GPHN: variants seen among roughly 807,000 people sequenced by gnomAD.
GPHN encodes gephyrin.
In GPHN, 17 loss-of-function variants were observed where a neutral mutation model predicts 95.5. The ratio of observed to expected loss-of-function variants is 0.18; its 90% CI spans 0.12 to 0.27. The LOEUF (loss-of-function observed/expected upper bound fraction) is 0.27, where lower values mean the gene tolerates loss of function less well. Among genes scored for constraint, GPHN ranks in the 10% least tolerant of loss-of-function variants. The pLI is 1.00. For synonymous variants in GPHN, 320 were observed against 322.5 expected, an observed-to-expected ratio of 0.99 and a Z score of 0.08; for missense variants, 660 against 978.1, an observed-to-expected ratio of 0.67 and a Z score of 4.34.
intron 1 of GPHN, among the ~76,000 whole-genome samples, chr14:66,675,106 T>C (rs1375349662): frequency 6.6e-6 from 1 of 152,040 alleles, no homozygotes; most frequent in Non-Finnish European, 1.5e-5. Flanking sequence ...TGGCTATTTG[T>C]TTGTCTTCTT....
At chr14:67,692,021 AG>A in the GPHN span, 4,128 of 156,770 alleles carry the variant, frequency 0.026, 164 homozygotes, top group East Asian at 0.091. Flanking sequence ...GCTGGTGGCC[AG>A]GATTTTTATT....
intron 8 of GPHN, among the ~76,000 whole-genome samples, chr14:66,925,532 T>G (rs1365781672): frequency 2.6e-5 from 4 of 152,176 alleles, no homozygotes; most frequent in Admixed American, 2.6e-4. Context: ...CATGCAAAGT[T>G]TGTCTTTTTG....
intron 19 of GPHN, among the ~76,000 whole-genome samples, chr14:67,161,842 A>T (rs2081998929): frequency 1.3e-5 from 2 of 152,214 alleles, no homozygotes; most frequent in African/African-American, 4.8e-5. Flanking sequence ...TATTTGTGTA[A>T]TATCTATCAT....
intron 4 of GPHN, among the ~76,000 whole-genome samples, chr14:66,837,156 A>G (rs368574105): frequency 1.8e-4 from 27 of 148,824 alleles, no homozygotes; most frequent in East Asian, 1.4e-3. Flanking sequence ...TATGTTTATT[A>G]CGGCATTATT....
the GPHN span, chr14:67,374,409 G>A: frequency 9.5e-7 from 1 of 1,055,166 alleles, no homozygotes; most frequent in Non-Finnish European, 1.4e-6. Flanking sequence ...TTCAAAGCTG[G>A]TTACAATAGT....
chr14:67,360,313 G>C, the GPHN span: 2 of 398,452 alleles, frequency 5.0e-6, no homozygotes, highest in Non-Finnish European at 8.9e-6. Context: ...GCTTGCGCAT[G>C]CGAGGAGGTT....
At chr14:67,058,839 A>C (rs2075708379) in intron 11 of GPHN, 53 bp downstream of exon 11, 2 of 1,461,990 alleles carry the variant, frequency 1.4e-6, no homozygotes, top group Non-Finnish European at 1.9e-6. Context: ...TTTCCAAATA[A>C]GATTCATGTA....
chr14:66,551,610 A>G (rs989534792), intron 1 of GPHN, among the ~76,000 whole-genome samples: 2 of 152,212 alleles, frequency 1.3e-5, no homozygotes, highest in African/African-American at 4.8e-5. Context: ...TTGCACGGCT[A>G]TAAAGAAGTT....
chr14:67,024,669 G>T (rs1436821706), intron 10 of GPHN, among the ~76,000 whole-genome samples: 1 of 152,120 alleles, frequency 6.6e-6, no homozygotes, highest in Non-Finnish European at 1.5e-5. Flanking sequence ...TCTCCCAGTG[G>T]AGCCATATGG....
At chr14:66,886,809 G>A (rs956740127) in intron 5 of GPHN, among the ~76,000 whole-genome samples, 1 of 152,092 alleles carries the variant, frequency 6.6e-6, no homozygotes, top group Non-Finnish European at 1.5e-5. Context: ...GGAGAAAGGG[G>A]CTTACCAGAG....
intron 1 of GPHN, among the ~76,000 whole-genome samples, chr14:66,617,700 G>A (rs138567752): frequency 0.013 from 2,027 of 151,936 alleles, 23 homozygotes; most frequent in Middle Eastern, 0.02. Context: ...TTCCTAGGTC[G>A]CTGAGAGTTT....
chr14:66,549,511 G>A (rs749840816), intron 1 of GPHN, among the ~76,000 whole-genome samples: 87 of 152,116 alleles, frequency 5.7e-4, no homozygotes, highest in Non-Finnish European at 9.7e-4. Context: ...AGGTTGATTC[G>A]TGAGGTATAA....
At chr14:66,680,864 T>C (rs1160640361) in intron 1 of GPHN, among the ~76,000 whole-genome samples, 1 of 152,146 alleles carries the variant, frequency 6.6e-6, no homozygotes, top group Non-Finnish European at 1.5e-5. Context: ...TTATTTTATG[T>C]AATGTATTTA....
At chr14:67,050,999 ACAC>A (rs2075280020) in intron 10 of GPHN, among the ~76,000 whole-genome samples, 2 of 145,978 alleles carry the variant, frequency 1.4e-5, no homozygotes, top group South Asian at 4.3e-4. Context: ...TCATAAGTCC[ACAC>A]CACCCAGGCC....
chr14:67,338,846 A>G, the GPHN span: 1 of 1,267,646 alleles, frequency 7.9e-7, no homozygotes, highest in Non-Finnish European at 1.1e-6. Flanking sequence ...TGTAACAAGG[A>G]TAATAAACAC....
the GPHN span, among the ~76,000 whole-genome samples, chr14:67,290,602 T>G: frequency 6.6e-6 from 1 of 152,226 alleles, no homozygotes; most frequent in East Asian, 1.9e-4. Context: ...CTCACCATGT[T>G]GCCCAGGCTG....
chr14:67,711,586 A>C, the GPHN span, among the ~76,000 whole-genome samples: 2 of 152,340 alleles, frequency 1.3e-5, no homozygotes, highest in South Asian at 2.1e-4. Context: ...CATTGTGTAC[A>C]CAACACATAA....
chr14:67,657,831 C>T, the GPHN span, among the ~76,000 whole-genome samples: 2 of 151,060 alleles, frequency 1.3e-5, no homozygotes, highest in Non-Finnish European at 2.9e-5. Flanking sequence ...TCACTGCAGC[C>T]TCTGCCTCCC....
At chr14:66,897,591 G>A (rs756856073) in intron 5 of GPHN, among the ~76,000 whole-genome samples, 10 of 152,030 alleles carry the variant, frequency 6.6e-5, no homozygotes, top group Non-Finnish European at 1.0e-4. Flanking sequence ...ACAGTATGTA[G>A]CCTTTTGGGA....
Sources: allele counts gnomAD v4.1 joint callset (sites outside exome capture counted in the v4.1 genomes callset), GRCh38; gene constraint gnomAD v4.1.1; transcripts MANE v1.5; gene names NCBI Gene and HGNC (gene_info 2026-07-23, HGNC 2026-07-21).